The following ZNF33B variants were observed in gnomAD, a reference collection of about 807,000 sequenced individuals.
ZNF33B encodes the protein zinc finger protein 33B.
In ZNF33B, 29 loss-of-function variants were observed where a neutral mutation model predicts 45.8. That is an observed-to-expected ratio of 0.63 (90% CI 0.47 to 0.86). The LOEUF (loss-of-function observed/expected upper bound fraction) is 0.86, where lower values mean the gene tolerates loss of function less well. ZNF33B is among the 40% of genes least tolerant of loss of function. The pLI, the probability that ZNF33B is intolerant of heterozygous loss-of-function variation, is 0.00. For missense variants in ZNF33B, 831 were observed against 909.9 expected, an observed-to-expected ratio of 0.91 and a Z score of 1.12; for synonymous variants, 305 against 307.8, an observed-to-expected ratio of 0.99 and a Z score of 0.10.
intron 4 of ZNF33B, among the ~76,000 whole-genome samples, chr10:42,595,240 A>C (rs1328823799): frequency 6.6e-6 from 1 of 152,204 alleles, no homozygotes; most frequent in Non-Finnish European, 1.5e-5. Context: ...AGAGAGGATG[A>C]AACACAAAAC....
chr10:42,623,515 A>G (rs140052406), intron 4 of ZNF33B, among the ~76,000 whole-genome samples: 69 of 152,344 alleles, frequency 4.5e-4, no homozygotes, highest in Non-Finnish European at 4.9e-4. Context: ...GAAAGTCTTG[A>G]TACTTGTTAC....
intron 4 of ZNF33B, among the ~76,000 whole-genome samples, chr10:42,600,710 G>GT (rs1192022384): frequency 6.6e-6 from 1 of 152,018 alleles, no homozygotes; most frequent in Admixed American, 6.6e-5. Context: ...GTACTTTTCA[G>GT]TAACAGTATA....
At chr10:42,603,645 T>G (rs1346228934) in intron 4 of ZNF33B, among the ~76,000 whole-genome samples, 1 of 152,158 alleles carries the variant, frequency 6.6e-6, no homozygotes, top group Non-Finnish European at 1.5e-5. Context: ...GGAACCCAAA[T>G]TTAACAAGAG....
chr10:42,627,777 C>T (rs1040406105), intron 4 of ZNF33B, among the ~76,000 whole-genome samples: 4 of 152,138 alleles, frequency 2.6e-5, no homozygotes, highest in African/African-American at 9.7e-5. Context: ...CCCTTCTTCA[C>T]TCCAGATGTT....
At chr10:42,580,937 C>A (rs1836813575) in intron 1 of ZNF33B, among the ~76,000 whole-genome samples, 1 of 151,946 alleles carries the variant, frequency 6.6e-6, no homozygotes, top group East Asian at 1.9e-4. Flanking sequence ...TAAAACCATT[C>A]TGTTTCTCCA....
chr10:42,581,054 TTTA>T (rs1836814712), intron 1 of ZNF33B, among the ~76,000 whole-genome samples: 1 of 152,118 alleles, frequency 6.6e-6, no homozygotes, highest in African/African-American at 2.4e-5. Flanking sequence ...CGGTCAGGGT[TTTA>T]TATCAAATGC....
At chr10:42,587,260 C>T (rs7900972), downstream of ZNF33B, among the ~76,000 whole-genome samples, 22,771 of 152,000 alleles carry the variant, frequency 0.15, 2,471 homozygotes, top group African/African-American at 0.31. Flanking sequence ...AGTGCAGTGG[C>T]GCCAACTTGG....
Position 42,593,703 on chromosome 10 carries a change from T to A in ZNF33B, c.1247A>T (p.Asn416Ile). Residue 416 changes from asparagine (N) to isoleucine (I), a missense_variant, in exon 5 of 5, where the codon AAT becomes ATT. Physicochemically the swap from Asn to Ile is moderately radical, Grantham distance 149. Transcript: ENST00000359467. Reference sequence around the variant, plus strand: ...CTGGTAAAAAGTTTTCCCACATGCATTACACTGATAGGGTTTCTCCCCTGT... The same window carrying A: ...CTGGTAAAAAGTTTTCCCACATGCAATACACTGATAGGGTTTCTCCCCTGT... ...THTGEKPYQCNACGKTFYQKS... is the reference protein window; with the variant it reads ...THTGEKPYQCIACGKTFYQKS... 2 of 1,613,522 alleles carry A rather than the reference T, an allele frequency of 1.2e-6. 1 individual carries two copies. Among genetic ancestry groups the A allele is most frequent in the South Asian group, 2.2e-5 (2 of 91,074 alleles).
At chr10:42,633,025 T>C (rs757701906) in intron 2 of ZNF33B, 26 of 180,720 alleles carry the variant, frequency 1.4e-4, no homozygotes, top group Non-Finnish European at 2.6e-4. Context: ...TATTTGATCA[T>C]TTACCATTTT....
intron 4 of ZNF33B, among the ~76,000 whole-genome samples, chr10:42,596,362 T>A (rs1837400172): frequency 6.6e-6 from 1 of 152,090 alleles, no homozygotes; most frequent in African/African-American, 2.4e-5. Context: ...ACTTTTACTT[T>A]GATAATGAGT....
At chr10:42,610,362 C>A (rs1420453895) in intron 4 of ZNF33B, among the ~76,000 whole-genome samples, 1 of 152,054 alleles carries the variant, frequency 6.6e-6, no homozygotes, top group Admixed American at 6.6e-5. Flanking sequence ...ATGGTGAAAC[C>A]CTGTCTCTAC....
intron 2 of ZNF33B, among the ~76,000 whole-genome samples, chr10:42,634,264 A>G (rs1171853369): frequency 6.6e-6 from 1 of 152,036 alleles, no homozygotes; most frequent in East Asian, 1.9e-4. Context: ...AAAATTAGCC[A>G]GGCGTGGGGG....
chr10:42,583,528 TTATGTCA>T (rs1471039367), intron 1 of ZNF33B, among the ~76,000 whole-genome samples: 2 of 152,176 alleles, frequency 1.3e-5, no homozygotes, highest in African/African-American at 4.8e-5. Flanking sequence ...CTTATTCGTC[TTATGTCA>T]TATGTGCCTT....
intron 1 of ZNF33B, 147 bp from the exon 2 acceptor site, chr10:42,637,119 G>A (rs1839341582): frequency 2.8e-6 from 2 of 712,086 alleles, no homozygotes; most frequent in Admixed American, 2.8e-5. Context: ...CTTCGGAATA[G>A]GGGGTAGAAA....
Position 42,593,641 on chromosome 10 carries a change from C to T in ZNF33B, c.1309G>A (p.Gly437Arg). The change falls in exon 5 of 5, where the codon GGG (glycine) becomes AGG (arginine). Residue 437 changes from glycine to arginine, a missense_variant. Physicochemically the swap from Gly to Arg is moderately radical, Grantham distance 125. Transcript: ENST00000359467. ...DLTKHQRTHT[G>R]QKPYECYECG... ...TCATAACATTCATAGGGTTTCTGCC[C>T]TGTGTGTGTTCTCTGATGTTTAGTG... 1 of 1,614,000 alleles carries T rather than the reference C, an allele frequency of 6.2e-7. No individual in the cohort carries two copies. Among genetic ancestry groups the T allele is most frequent in the Non-Finnish European group, 8.5e-7 (1 of 1,179,946 alleles).
chr10:42,618,219 G>GT (rs1564518479), intron 4 of ZNF33B, among the ~76,000 whole-genome samples: 1 of 152,134 alleles, frequency 6.6e-6, no homozygotes, highest in South Asian at 2.1e-4. Flanking sequence ...TTGAGATTGG[G>GT]TTTTTTAAAA....
At chr10:42,635,848 T>C (rs1171598098) in intron 2 of ZNF33B, among the ~76,000 whole-genome samples, 4 of 151,312 alleles carry the variant, frequency 2.6e-5, no homozygotes, top group African/African-American at 9.7e-5. Flanking sequence ...TTTAATTTAT[T>C]GGCCGGGCAC....
At chr10:42,622,273 T>C (rs938615326) in intron 4 of ZNF33B, among the ~76,000 whole-genome samples, 1 of 152,204 alleles carries the variant, frequency 6.6e-6, no homozygotes, top group Non-Finnish European at 1.5e-5. Context: ...CAAAATGATC[T>C]ACAGATTTAA....
intron 4 of ZNF33B, among the ~76,000 whole-genome samples, chr10:42,610,348 CA>C: frequency 6.6e-6 from 1 of 152,216 alleles, no homozygotes; most frequent in Middle Eastern, 3.4e-3. Flanking sequence ...CCAGCCCGGC[CA>C]ACATGGTGAA....
Sources: gnomAD v4.1 joint callset for allele counts (sites outside exome capture counted in the v4.1 genomes callset) on GRCh38, gnomAD v4.1.1 for gene constraint, MANE v1.5 for transcripts, NCBI Gene and HGNC (gene_info 2026-07-23, HGNC 2026-07-21) for gene names.